Variants in MED13L observed in about 807,000 individuals in gnomAD.
The protein encoded by MED13L is mediator of RNA polymerase II transcription subunit 13-like.
MED13L carries 7 observed loss-of-function variants against 220.9 expected under a neutral mutation model. That is an observed-to-expected ratio of 0.03 (90% CI 0.02 to 0.06). The LOEUF (loss-of-function observed/expected upper bound fraction) is 0.06. Among genes scored for constraint, MED13L ranks in the 10% least tolerant of loss-of-function variants. The probability of loss-of-function intolerance (pLI) is 1.00; values close to 1 mark genes in which losing one functional copy is unlikely to be tolerated. For synonymous variants in MED13L, 1,011 were observed against 1,015.2 expected (o/e 1.00, Z 0.08); for missense variants, 1,965 against 2,760.5 (o/e 0.71, Z 6.46).
chr12:116,155,655 G>A (rs947417578), intron 2 of MED13L, among the ~76,000 whole-genome samples: 2 of 152,022 alleles, frequency 1.3e-5, no homozygotes, highest in Non-Finnish European at 2.9e-5. Context: ...TTTCACCGCT[G>A]AAGTTACATT....
In MED13L at chr12:115,984,315, G is replaced by A. The variant is rs530432287; in HGVS notation, c.4396C>T (p.Arg1466Cys). The A allele has an allele frequency of 6.4e-5, 104 of 1,614,028 alleles. No homozygotes were observed. The East Asian group carries it at 1.4e-3, about 21-fold the overall frequency. ...TTCTGTGCCACAGTTTTTCCCACGC[G>A]CATGATCCCGTCACGTAGCACTTTG... is the stretch of plus-strand genomic sequence containing the variant. ...ICKVLRDGIM[R>C]VGKTVAQKLT... Residue 1466 changes from arginine to cysteine, a missense_variant, in exon 20 of 31, where the codon CGC (arginine) becomes TGC (cysteine). By Grantham distance (180) the Arg-to-Cys change is radical. Around this residue, in one of 10 missense-constraint regions of MED13L, gnomAD observed 510 missense variants for 620.4 expected, o/e 0.82. Coordinates refer to ENST00000281928, the MANE Select transcript of MED13L (RefSeq NM_015335.5).
intron 2 of MED13L, among the ~76,000 whole-genome samples, chr12:116,116,504 C>T (rs1593062686): frequency 6.6e-6 from 1 of 152,064 alleles, no homozygotes; most frequent in Admixed American, 6.6e-5. Flanking sequence ...GTTCTCTGTA[C>T]CCTTTGTAAT....
At chr12:116,142,984 T>C (rs893780502) in intron 2 of MED13L, among the ~76,000 whole-genome samples, 1 of 152,190 alleles carries the variant, frequency 6.6e-6, no homozygotes, top group Non-Finnish European at 1.5e-5. Flanking sequence ...TCTTATCTAC[T>C]GACAAGTTTC....
intron 1 of MED13L, among the ~76,000 whole-genome samples, chr12:116,246,604 T>A (rs572392898): frequency 3.3e-5 from 5 of 149,506 alleles, no homozygotes; most frequent in African/African-American, 1.2e-4. Flanking sequence ...CTTGACCTAT[T>A]TGAGACCAGC....
chr12:115,970,649 G>A lies in MED13L; in HGVS notation c.6012C>T (p.Thr2004=), dbSNP rs973903115. 3 of 1,613,920 alleles carry A rather than the reference G, an allele frequency of 1.9e-6. No individual in the cohort carries two copies. Among genetic ancestry groups the A allele is most frequent in the African/African-American group, 2.7e-5 (2 of 74,916 alleles). The change falls in exon 27 of 31, where the codon ACC becomes ACT. Residue 2004 remains threonine (T), a synonymous_variant. Coordinates refer to ENST00000281928, the MANE Select transcript of MED13L (RefSeq NM_015335.5). ...GGTAGTTGGCTGGAGCCACCTGGAT[G>A]GTTGATGATGTTGGGAACACCAAGA... ...THILVFPTSS[T]IQVAPANYPN...
intron 4 of MED13L, among the ~76,000 whole-genome samples, chr12:116,095,097 G>A (rs770008572): frequency 6.6e-6 from 1 of 152,140 alleles, no homozygotes; most frequent in Non-Finnish European, 1.5e-5. Context: ...GGGAGGCAGA[G>A]GTTGCAGTGA....
intron 1 of MED13L, among the ~76,000 whole-genome samples, chr12:116,245,095 G>A (rs1870983369): frequency 6.6e-6 from 1 of 152,136 alleles, no homozygotes; most frequent in Admixed American, 6.5e-5. Context: ...AGTAAACAGA[G>A]GGTACCTGGA....
chr12:116,102,074 C>A (rs1873105732), intron 3 of MED13L, among the ~76,000 whole-genome samples: 1 of 152,156 alleles, frequency 6.6e-6, no homozygotes, highest in Non-Finnish European at 1.5e-5. Flanking sequence ...CTGTTCCCAA[C>A]CCCCACCACC....
intron 4 of MED13L, among the ~76,000 whole-genome samples, chr12:116,071,962 C>T (rs903006111): frequency 2.6e-5 from 4 of 152,216 alleles, no homozygotes; most frequent in Admixed American, 1.3e-4. Flanking sequence ...CTGAAGGATA[C>T]AGAAGTTGTC....
rs1016856725 is a variant in MED13L, at chr12:116,161,997, T to C, written c.311-50485A>G. Among the ~76,000 whole-genome samples, 33 of 152,268 alleles carry C rather than the reference T, an allele frequency of 2.2e-4. 1 individual carries two copies. Among genetic ancestry groups the C allele is most frequent in the African/African-American group, 7.9e-4 (33 of 41,542 alleles). On this transcript the variant is annotated intron_variant, in intron 2 of 30. Transcript: ENST00000281928. ...AAACACGATCTTGTATAACTGACAA[T>C]GGCTACATCCATGTGAATACTCCAT...
intron 2 of MED13L, among the ~76,000 whole-genome samples, chr12:116,206,960 C>A (rs1565928284): frequency 6.6e-6 from 1 of 152,006 alleles, no homozygotes; most frequent in Non-Finnish European, 1.5e-5. Context: ...GTGACAAAAA[C>A]CACAGAGAGG....
At chr12:116,058,895 T>C (rs77200305) in intron 4 of MED13L, among the ~76,000 whole-genome samples, 1,571 of 152,306 alleles carry the variant, frequency 0.01, 28 homozygotes, top group African/African-American at 0.035. Context: ...AAAATATGAA[T>C]ATGTTAATTA....
intron 2 of MED13L, among the ~76,000 whole-genome samples, chr12:116,176,873 A>G (rs1317868300): frequency 1.6e-5 from 2 of 122,624 alleles, no homozygotes; most frequent in Non-Finnish European, 3.5e-5. Context: ...TCGAGAACTC[A>G]GCCAAAAAAA....
intron 4 of MED13L, among the ~76,000 whole-genome samples, chr12:116,023,063 A>G (rs1250965669): frequency 2.0e-5 from 3 of 152,202 alleles, no homozygotes; most frequent in African/African-American, 7.2e-5. Flanking sequence ...TGAGAGGCTG[A>G]GGCAGGAGGA....
At chr12:116,177,187 C>A (rs1880136505) in intron 2 of MED13L, among the ~76,000 whole-genome samples, 1 of 152,128 alleles carries the variant, frequency 6.6e-6, no homozygotes, top group Non-Finnish European at 1.5e-5. Flanking sequence ...AAATCAACTT[C>A]CTAGAACGCT....
chr12:116,086,785 C>T lies in MED13L; in HGVS notation c.479+9884G>A, dbSNP rs569668630. 3.3e-5 allele frequency among the ~76,000 whole-genome samples: 5 copies of T among 152,160 alleles called. No homozygotes were observed. In the East Asian group the frequency reaches 7.7e-4, roughly 24 times the overall value. Reference sequence around the variant, plus strand: ...CAAATAGTCATATTGTTATAATATACATTATGCATTTTCAAAATTTTTTCC... The same window carrying T: ...CAAATAGTCATATTGTTATAATATATATTATGCATTTTCAAAATTTTTTCC... On this transcript the variant is annotated intron_variant, in intron 4 of 30. Coordinates refer to ENST00000281928, the MANE Select transcript of MED13L (RefSeq NM_015335.5).
chr12:116,258,435 T>C (rs898311305), intron 1 of MED13L, among the ~76,000 whole-genome samples: 28 of 152,184 alleles, frequency 1.8e-4, no homozygotes, highest in African/African-American at 6.8e-4. Context: ...AAGGTCTGAC[T>C]TGAAATACAG....
chr12:116,240,473 CAAAGAAGGAAACAA>C (rs1246759210), intron 1 of MED13L, among the ~76,000 whole-genome samples: 2 of 151,174 alleles, frequency 1.3e-5, no homozygotes, highest in African/African-American at 4.9e-5. Flanking sequence ...CTATAAACAT[CAAAGAAGGAAACAA>C]AAATAAAAAG....
At chr12:115,978,447 T>C (rs1592908549) in intron 23 of MED13L, among the ~76,000 whole-genome samples, 2 of 151,496 alleles carry the variant, frequency 1.3e-5, no homozygotes, top group Admixed American at 1.3e-4. Context: ...CCGCCTCAGC[T>C]TCCCAAGTAG....
Sources: gnomAD v4.1 joint callset for allele counts (sites outside exome capture counted in the v4.1 genomes callset) on GRCh38, gnomAD v4.1.1 for gene constraint, gnomAD v4.1.1 regional missense constraint, MANE v1.5 for transcripts, NCBI Gene and HGNC (gene_info 2026-07-23, HGNC 2026-07-21) for gene names.